VAPA: variants seen among roughly 807,000 people sequenced by gnomAD.
The protein encoded by VAPA is vesicle-associated membrane protein-associated protein A.
VAPA carries 6 observed loss-of-function variants against 25.6 expected under a neutral mutation model. The ratio of observed to expected loss-of-function variants is 0.23; its 90% CI spans 0.13 to 0.46. VAPA has a LOEUF of 0.46. VAPA is among the 20% of genes least tolerant of loss of function. The pLI, the probability that VAPA is intolerant of heterozygous loss-of-function variation, is 0.99. For missense variants in VAPA, 244 were observed against 302.1 expected (o/e 0.81, Z 1.43); for synonymous variants, 112 against 106.2 (o/e 1.05, Z -0.34).
intron 1 of VAPA, among the ~76,000 whole-genome samples, chr18:9,916,973 T>C (rs2069116824): frequency 6.6e-6 from 1 of 152,232 alleles, no homozygotes; most frequent in Admixed American, 6.5e-5. Flanking sequence ...TTGCACAATT[T>C]TGCAAAAGCA....
intron 5 of VAPA, among the ~76,000 whole-genome samples, chr18:9,953,356 G>A (rs2143446176): frequency 6.6e-6 from 1 of 152,330 alleles, no homozygotes; most frequent in Non-Finnish European, 1.5e-5. Context: ...TGTAGTTTCT[G>A]AAGAAACAGT....
intron 5 of VAPA, 76 bp from the exon 6 acceptor site, chr18:9,953,977 T>G: frequency 6.4e-7 from 1 of 1,569,354 alleles, no homozygotes. Flanking sequence ...TTTCCGTCCC[T>G]ATAGATTTTT....
chr18:9,950,636 C>A, intron 5 of VAPA, 68 bp downstream of exon 5: 1 of 1,526,032 alleles, frequency 6.6e-7, no homozygotes, highest in East Asian at 2.4e-5. Flanking sequence ...GTTATTAGGC[C>A]ATTTTAGCAA....
chr18:9,950,133 C>A, intron 4 of VAPA: 1 of 346,174 alleles, frequency 2.9e-6, no homozygotes, highest in Non-Finnish European at 5.3e-6. Flanking sequence ...GCTCTCTCAG[C>A]CTTTGAAGTA....
Position 9,939,173 on chromosome 18 carries a change from C to CTT in VAPA, c.417+2122_417+2123dup, listed in dbSNP as rs748625580. The stretch of plus-strand genomic sequence containing the variant: ...TGAAAATAAAGTCCAAATAGTTCTT[C>CTT]TTTTTTTTTTTTTTTTGAGACGGAG... On this transcript the variant is annotated intron_variant, in intron 4 of 5. Transcript: ENST00000400000. 9.8e-4 allele frequency among the ~76,000 whole-genome samples: 135 copies of CTT among 137,896 alleles called. No individual in the cohort carries two copies. The Middle Eastern group carries it at 0.019, about 19-fold the overall frequency. The allele number at this position is 137,896 out of a possible 152,430, so 90.5% of individuals were successfully genotyped here.
At position 9,936,811 on chromosome 18, in the gene VAPA, A is replaced by G; in HGVS notation, c.337-175A>G. 3.7e-6 allele frequency: 2 copies of G among 545,522 alleles called. 1 individual carries two copies. The highest frequency in any genetic ancestry group is 5.3e-5 in the South Asian group (2 of 38,058). 33.8% of individuals were successfully genotyped at this position (545,522 alleles called of 1,614,324 possible). On this transcript the variant is annotated intron_variant, in intron 3 of 5. Coordinates refer to ENST00000400000, the MANE Select transcript of VAPA (RefSeq NM_194434.3). ...GGATGGTGATAGTAACTAGGATTAT[A>G]TAAAGGTTCTGTGACATTAGCCGAT...
At chr18:9,916,461 G>T (rs940499309) in intron 1 of VAPA, among the ~76,000 whole-genome samples, 3 of 152,180 alleles carry the variant, frequency 2.0e-5, no homozygotes, top group African/African-American at 7.2e-5. Flanking sequence ...TTCAGGGGAG[G>T]TTTAGGCCAA....
chr18:9,938,930 T>A (rs2069338217), intron 4 of VAPA, among the ~76,000 whole-genome samples: 1 of 152,182 alleles, frequency 6.6e-6, no homozygotes, highest in Non-Finnish European at 1.5e-5. Context: ...AGGTATTGTT[T>A]AAGGCAAATC....
At position 9,936,977 on chromosome 18, in the gene VAPA, T is replaced by A; in HGVS notation, c.337-9T>A. 1 of 1,613,376 alleles carries A rather than the reference T, an allele frequency of 6.2e-7. No individual in the cohort carries two copies. The highest frequency in any genetic ancestry group is 8.5e-7 in the Non-Finnish European group (1 of 1,179,470). ...CCTATGTCTCATGTTTGGTTTTGTT[T>A]ATTTTTAGTGGAAAGAGGCAAAACC... On this transcript the variant is annotated splice_polypyrimidine_tract_variant and intron_variant, in intron 3 of 5. Transcript: ENST00000400000.
intron 4 of VAPA, among the ~76,000 whole-genome samples, chr18:9,942,863 C>A (rs1256322298): frequency 6.6e-6 from 1 of 152,136 alleles, no homozygotes; most frequent in Non-Finnish European, 1.5e-5. Context: ...CGCTTCCCAC[C>A]AGGTTCCACC....
intron 4 of VAPA, among the ~76,000 whole-genome samples, chr18:9,943,474 G>A (rs967343104): frequency 6.6e-6 from 1 of 152,100 alleles, no homozygotes; most frequent in African/African-American, 2.4e-5. Flanking sequence ...TTTGTTAATG[G>A]CCCCTAGTGT....
At chr18:9,932,994 G>T (rs543287863) in intron 2 of VAPA, among the ~76,000 whole-genome samples, 1 of 151,976 alleles carries the variant, frequency 6.6e-6, no homozygotes, top group African/African-American at 2.4e-5. Flanking sequence ...TGTAGTCCCA[G>T]CTACTTGGGA....
At position 9,957,177 on chromosome 18, in the gene VAPA, G is replaced by A. The variant is rs1489205518; in HGVS notation, c.*2966G>A. 6.6e-6 allele frequency: 1 copy of A among 152,064 alleles called. No homozygotes were observed. Among genetic ancestry groups the A allele is most frequent in the Non-Finnish European group, 1.5e-5 (1 of 68,032 alleles). 9.4% of individuals were successfully genotyped at this position (152,064 alleles called of 1,614,324 possible). On this transcript the variant is annotated 3_prime_UTR_variant, in exon 6 of 6. Transcript: ENST00000400000. Reference sequence around the variant, plus strand: ...CGCCTGAGTAGCTGGGATTACAGGTGTGAGCCAACAAGCCCGGCTAATTTT... The same window carrying A: ...CGCCTGAGTAGCTGGGATTACAGGTATGAGCCAACAAGCCCGGCTAATTTT...
In VAPA at chr18:9,957,330, A is replaced by G. The variant is rs1175931448; in HGVS notation, c.*3119A>G. ...GAGCTGCCGCACCCAGCCAAGAAAA[A>G]TAATACTCTTAAATACTTAGATGTT... On this transcript the variant is annotated 3_prime_UTR_variant, in exon 6 of 6. Transcript: ENST00000400000. 1.3e-5 allele frequency: 2 copies of G among 152,200 alleles called. No homozygotes were observed. The highest frequency in any genetic ancestry group is 4.8e-5 in the African/African-American group (2 of 41,458). The allele number at this position is 152,200 out of a possible 1,614,324, so 9.4% of individuals were successfully genotyped here.
chr18:9,931,869 G>A lies in VAPA; in HGVS notation c.139G>A (p.Val47Met). 6.2e-7 allele frequency: 1 copy of A among 1,613,894 alleles called. No homozygotes were observed. Among genetic ancestry groups the A allele is most frequent in the Non-Finnish European group, 8.5e-7 (1 of 1,179,846 alleles). ...LKLRNPSDRKVCFKVKTTAPR... is the reference protein window; with the variant it reads ...LKLRNPSDRKMCFKVKTTAPR... ...ATTGCGAAATCCATCGGATAGAAAA[G>A]TGTGTTTCAAAGTGAAGACTACAGC... is the stretch of plus-strand genomic sequence containing the variant. Residue 47 changes from valine to methionine, a missense_variant, in exon 2 of 6, where the codon GTG becomes ATG. By Grantham distance (21) the Val-to-Met change is conservative. Transcript: ENST00000400000.
intron 1 of VAPA, among the ~76,000 whole-genome samples, chr18:9,920,019 ATGTC>A (rs2069143342): frequency 6.6e-6 from 1 of 152,044 alleles, no homozygotes; most frequent in African/African-American, 2.4e-5. Context: ...AAGGGTATGA[ATGTC>A]TGAGATTTCT....
At chr18:9,942,375 T>G (rs1406105569) in intron 4 of VAPA, among the ~76,000 whole-genome samples, 2 of 152,188 alleles carry the variant, frequency 1.3e-5, no homozygotes, top group Non-Finnish European at 2.9e-5. Context: ...CTATCATAAT[T>G]GTTGATGCAC....
intron 4 of VAPA, among the ~76,000 whole-genome samples, chr18:9,938,633 TA>T (rs1287996189): frequency 6.6e-6 from 1 of 152,200 alleles, no homozygotes; most frequent in Non-Finnish European, 1.5e-5. Context: ...ACTAGTAACC[TA>T]AAAGCTGTTA....
intron 4 of VAPA, chr18:9,950,167 A>C (rs1417345547): frequency 1.6e-5 from 7 of 435,030 alleles, no homozygotes; most frequent in Non-Finnish European, 2.5e-5. Context: ...CTTGAACAAT[A>C]ATTATTAAGA....
Sources: allele counts gnomAD v4.1 joint callset (sites outside exome capture counted in the v4.1 genomes callset), GRCh38; gene constraint gnomAD v4.1.1; transcripts MANE v1.5; gene names NCBI Gene and HGNC (gene_info 2026-07-23, HGNC 2026-07-21).